The following SMARCA5 variants were observed in gnomAD, a reference collection of about 807,000 sequenced individuals.
The protein encoded by SMARCA5 is SWI/SNF-related matrix-associated actin-dependent regulator of chromatin subfamily A member 5.
Under a neutral mutation model 140.4 loss-of-function variants are expected in SMARCA5, and 18 were observed. That is an observed-to-expected ratio of 0.13 (90% confidence interval 0.09 to 0.19). SMARCA5 has a LOEUF of 0.19. Among genes scored for constraint, SMARCA5 ranks in the 10% least tolerant of loss-of-function variants. The pLI is 1.00. For synonymous variants in SMARCA5, 449 were observed against 419.6 expected, an observed-to-expected ratio of 1.07 and a Z score of -0.86; for missense variants, 606 against 1,276.8, an observed-to-expected ratio of 0.47 and a Z score of 8.01.
intron 20 of SMARCA5, 60 bp downstream of exon 20, chr4:143,546,968 C>T: frequency 4.6e-6 from 7 of 1,535,652 alleles, no homozygotes; most frequent in East Asian, 2.3e-5. Flanking sequence ...TTCTTGTTTT[C>T]TTATTCTGAA....
intron 11 of SMARCA5, among the ~76,000 whole-genome samples, chr4:143,537,341 A>G (rs571632941): frequency 5.4e-4 from 83 of 152,316 alleles, no homozygotes; most frequent in South Asian, 4.3e-3. Context: ...TATCACTGCT[A>G]TAGTATTAAG....
Position 143,520,600 on chromosome 4 carries a change from T to G in SMARCA5, c.253-829T>G, listed in dbSNP as rs376710489. The stretch of plus-strand genomic sequence containing the variant: ...TTGTGTTTGCTAGGTAAAATGTCTT[T>G]TTGTAATTTATTCCCAAACTGACAT... On this transcript the variant is annotated intron_variant, in intron 2 of 23. Coordinates refer to ENST00000283131, the MANE Select transcript of SMARCA5 (RefSeq NM_003601.4). Among the ~76,000 whole-genome samples the G allele has an allele frequency of 1.1e-4, 16 of 152,362 alleles. No individual in the cohort carries two copies. In the East Asian group the frequency reaches 2.5e-3, roughly 24 times the overall value.
At chr4:143,523,675 A>G (rs749100065) in intron 3 of SMARCA5, among the ~76,000 whole-genome samples, 2 of 152,194 alleles carry the variant, frequency 1.3e-5, no homozygotes, top group African/African-American at 2.4e-5. Flanking sequence ...TTTAGCAAGC[A>G]TGTGGTTTTG....
chr4:143,527,698 C>T (rs890777776), intron 6 of SMARCA5, among the ~76,000 whole-genome samples, 170 bp from the exon 7 acceptor site: 4 of 152,080 alleles, frequency 2.6e-5, no homozygotes, highest in African/African-American at 7.2e-5. Context: ...TGATTAATGA[C>T]GTTACTTTAG....
In SMARCA5 at chr4:143,521,557, A is replaced by G. The variant is rs761846990; in HGVS notation, c.381A>G (p.Ile127Met). The G allele has an allele frequency of 1.9e-6, 3 of 1,612,306 alleles. No homozygotes were observed. Among genetic ancestry groups the G allele is most frequent in the Non-Finnish European group, 2.5e-6 (3 of 1,179,044 alleles). The part of the protein sequence containing the change: ...PLKMKPGRPR[I>M]KKDEKQNLLS... ...AGATGAAACCAGGGCGCCCACGAAT[A>G]AAAAAAGATGAGAAGCAGAACTTAC... The change falls in exon 3 of 24, where the codon ATA (isoleucine) becomes ATG (methionine). Residue 127 changes from isoleucine to methionine, a missense_variant. Around this residue, in one of 10 missense-constraint regions of SMARCA5, gnomAD observed 110 missense variants for 287.7 expected, o/e 0.38. Transcript: ENST00000283131.
At chr4:143,524,711 C>T (rs1737032171) in intron 4 of SMARCA5, among the ~76,000 whole-genome samples, 1 of 152,098 alleles carries the variant, frequency 6.6e-6, no homozygotes, top group African/African-American at 2.4e-5. Context: ...ATATGTAAAT[C>T]TAAGGATCGT....
intron 23 of SMARCA5, among the ~76,000 whole-genome samples, chr4:143,552,384 C>G (rs1358574721): frequency 6.6e-6 from 1 of 152,056 alleles, no homozygotes; most frequent in Non-Finnish European, 1.5e-5. Context: ...TCCTTTCTTT[C>G]TTTCTCTCGT....
Position 143,536,563 on chromosome 4 carries a change from A to T in SMARCA5, c.1380A>T (p.Pro460=). 1 of 1,613,838 alleles carries T rather than the reference A, an allele frequency of 6.2e-7. No homozygotes were observed. Among genetic ancestry groups the T allele is most frequent in the East Asian group, 2.2e-5 (1 of 44,858 alleles). The change falls in exon 11 of 24, where the codon CCA becomes CCT. Residue 460 remains proline (P), a synonymous_variant. Coordinates refer to ENST00000283131, the MANE Select transcript of SMARCA5 (RefSeq NM_003601.4). ...LMQLRKCCNH[P]YLFDGAEPGP... ...AGTTGAGAAAATGTTGTAATCATCCATATCTCTTTGATGGAGCAGAACCTG... is the reference window on the plus strand; with the variant it reads ...AGTTGAGAAAATGTTGTAATCATCCTTATCTCTTTGATGGAGCAGAACCTG...
chr4:143,537,694 C>T (rs1737341794), intron 11 of SMARCA5, among the ~76,000 whole-genome samples: 1 of 151,976 alleles, frequency 6.6e-6, no homozygotes, highest in Non-Finnish European at 1.5e-5. Context: ...GTGGGCAGAT[C>T]ACCTAAGGTC....
intron 20 of SMARCA5, 151 bp downstream of exon 20, chr4:143,547,059 T>G (rs1224598905): frequency 1.2e-6 from 1 of 807,510 alleles, no homozygotes; most frequent in Non-Finnish European, 1.8e-6. Context: ...AATGTTCTGT[T>G]TCCAGAAATG....
At position 143,514,056 on chromosome 4, in the gene SMARCA5, G is replaced by C. The variant is rs754904647; in HGVS notation, c.132G>C (p.Ala44=). Reference sequence around the variant, plus strand: ...GCCCCGAAGGCGTCGCGGCGCAGGCGGTTGCGTCTGCGGCCAGCGCTGGTC... The same window carrying C: ...GCCCCGAAGGCGTCGCGGCGCAGGCCGTTGCGTCTGCGGCCAGCGCTGGTC... ...KGGPEGVAAQ[A]VASAASAGPA... is the part of the protein sequence containing the mutation. Residue 44 remains alanine, a synonymous_variant, in exon 1 of 24, where the codon GCG becomes GCC. Transcript: ENST00000283131. 6.4e-7 allele frequency: 1 copy of C among 1,562,026 alleles called. No homozygotes were observed. The highest frequency in any genetic ancestry group is 8.6e-7 in the Non-Finnish European group (1 of 1,162,406).
chr4:143,528,115 A>G (rs1737111409), intron 7 of SMARCA5, 92 bp downstream of exon 7: 1 of 982,664 alleles, frequency 1.0e-6, no homozygotes, highest in Non-Finnish European at 1.4e-6. Context: ...TATGAGATAC[A>G]TGTGCAGAAC....
intron 7 of SMARCA5, 81 bp from the exon 8 acceptor site, chr4:143,528,502 G>C (rs767563089): frequency 8.9e-6 from 11 of 1,232,712 alleles, no homozygotes; most frequent in Middle Eastern, 2.6e-4. Flanking sequence ...TTGGGCATTT[G>C]TGTTGGTTCC....
chr4:143,517,995 T>C (rs1301207038), intron 2 of SMARCA5, among the ~76,000 whole-genome samples: 1 of 152,314 alleles, frequency 6.6e-6, no homozygotes, highest in African/African-American at 2.4e-5. Flanking sequence ...TATCTAGTTA[T>C]GTTAACAACA....
intron 22 of SMARCA5, 122 bp downstream of exon 22, chr4:143,548,262 A>G: frequency 1.7e-6 from 1 of 579,956 alleles, no homozygotes. Flanking sequence ...TATTGTTAGT[A>G]TCATAAAACC....
chr4:143,546,078 A>T, intron 19 of SMARCA5, 31 bp downstream of exon 19: 1 of 1,534,038 alleles, frequency 6.5e-7, no homozygotes. Flanking sequence ...AAACTTTAGT[A>T]ACAGTTTGTT....
Position 143,543,513 on chromosome 4 carries a change from G to A in SMARCA5, c.1908G>A (p.Arg636=), listed in dbSNP as rs527754146. Residue 636 remains arginine (R), a synonymous_variant, in exon 15 of 24, where the codon AGG becomes AGA. Transcript: ENST00000283131. The stretch of plus-strand genomic sequence containing the variant: ...TACAACACAATCTTTTTTCAGGGAG[G>A]CTTGTGGATCAGAATCTGAACAAAA... ...RLDSIVIQQG[R]LVDQNLNKIG... is the part of the protein sequence containing the mutation. The A allele has an allele frequency of 1.1e-5, 18 of 1,611,696 alleles. No individual in the cohort carries two copies. The Admixed American group carries it at 2.0e-4, about 18-fold the overall frequency.
In SMARCA5 at chr4:143,528,592, A is replaced by G. The variant is rs1737121796; in HGVS notation, c.967A>G (p.Ile323Val). 2 of 1,610,050 alleles carry G rather than the reference A, an allele frequency of 1.2e-6. No homozygotes were observed. The highest frequency in any genetic ancestry group is 1.7e-6 in the Non-Finnish European group (2 of 1,178,382). ...GGTTCTTTTCTTTCAGTTGTCAGAAATAGTGAGGGAATTCAAGACTACAAA... is the reference window on the plus strand; with the variant it reads ...GGTTCTTTTCTTTCAGTTGTCAGAAGTAGTGAGGGAATTCAAGACTACAAA... ...IKNEKSKLSE[I>V]VREFKTTNRL... The change falls in exon 8 of 24, where the codon ATA (isoleucine) becomes GTA (valine). Residue 323 changes from isoleucine (I) to valine (V), a missense_variant. Around this residue, in one of 10 missense-constraint regions of SMARCA5, gnomAD observed 110 missense variants for 287.7 expected, o/e 0.38. Transcript: ENST00000283131.
At position 143,553,547 on chromosome 4, in the gene SMARCA5, T is replaced by G. The variant is rs1262117373; in HGVS notation, c.*363T>G. ...TAAAAAGAAAATTGCAAATAACATT[T>G]GTCCCTTTCAGTCTTCACCTAGTTG... On this transcript the variant is annotated 3_prime_UTR_variant, in exon 24 of 24. Transcript: ENST00000283131. The G allele has an allele frequency of 5.6e-6, 1 of 177,484 alleles. No homozygotes were observed. Among genetic ancestry groups the G allele is most frequent in the Non-Finnish European group, 1.2e-5 (1 of 83,418 alleles). The allele number at this position is 177,484 out of a possible 1,614,324, so 11.0% of individuals were successfully genotyped here. A position where few individuals can be genotyped will look rare whatever the true frequency, so the allele number is the denominator to read the frequency against.
Sources: gnomAD v4.1 joint callset for allele counts (sites outside exome capture counted in the v4.1 genomes callset) on GRCh38, gnomAD v4.1.1 for gene constraint, gnomAD v4.1.1 regional missense constraint, MANE v1.5 for transcripts, NCBI Gene and HGNC (gene_info 2026-07-23, HGNC 2026-07-21) for gene names.